TSPAN8: variants seen among roughly 807,000 people sequenced by gnomAD.
TSPAN8 encodes the protein tetraspanin 8.
A neutral mutation model predicts 32.8 loss-of-function variants in TSPAN8; 21 were observed. The ratio of observed to expected loss-of-function variants is 0.64; its 90% CI spans 0.45 to 0.92. TSPAN8 has a LOEUF of 0.92. TSPAN8 is among the 40% of genes least tolerant of loss of function. The pLI, the probability that TSPAN8 is intolerant of heterozygous loss-of-function variation, is 0.00. For missense variants in TSPAN8, 269 were observed against 281.9 expected (o/e 0.95, Z 0.33); for synonymous variants, 95 against 94.6 (o/e 1.00, Z -0.03).
At chr12:71,134,540 A>G (rs958606549) in intron 6 of TSPAN8, among the ~76,000 whole-genome samples, 1 of 152,238 alleles carries the variant, frequency 6.6e-6, no homozygotes. Context: ...TATATGACAA[A>G]GAGCTGGAAA....
At chr12:71,137,426 C>G (rs1592402860) in intron 6 of TSPAN8, among the ~76,000 whole-genome samples, 1 of 152,232 alleles carries the variant, frequency 6.6e-6, no homozygotes, top group Non-Finnish European at 1.5e-5. Flanking sequence ...TGGTGAGACT[C>G]TGTCTCTACT....
intron 7 of TSPAN8, among the ~76,000 whole-genome samples, chr12:71,132,358 T>C (rs935425176): frequency 6.6e-6 from 1 of 152,154 alleles, no homozygotes; most frequent in Non-Finnish European, 1.5e-5. Flanking sequence ...CTAGAACTTA[T>C]GTTAAAGTAG....
intron 2 of TSPAN8, among the ~76,000 whole-genome samples, chr12:71,154,033 G>T (rs1394416434): frequency 1.3e-5 from 2 of 152,100 alleles, no homozygotes; most frequent in Admixed American, 6.6e-5. Context: ...CTCTGGCCAG[G>T]CGCGGTGCCT....
In TSPAN8 at chr12:71,139,708, C is replaced by T. The variant is rs878920636; in HGVS notation, c.261+3G>A. ...GACACTGGGATTTGTTTGGAGAACT[C>T]ACCAACAGAAGCATGCAGCGACTTT... is the stretch of plus-strand genomic sequence containing the variant. On this transcript the variant is annotated splice_donor_region_variant and intron_variant, in intron 4 of 8. Transcript: ENST00000247829. 2 of 1,612,980 alleles carry T rather than the reference C, an allele frequency of 1.2e-6. No individual in the cohort carries two copies. The highest frequency in any genetic ancestry group is 2.2e-5 in the South Asian group (2 of 91,006).
intron 8 of TSPAN8, among the ~76,000 whole-genome samples, chr12:71,128,641 G>T (rs200416267): frequency 2.2e-5 from 3 of 139,188 alleles, no homozygotes; most frequent in Admixed American, 7.2e-5. Flanking sequence ...TATCTTTCAG[G>T]TTTTTTTTTT....
intron 8 of TSPAN8, among the ~76,000 whole-genome samples, chr12:71,126,497 C>T (rs1871353055): frequency 6.6e-6 from 1 of 151,986 alleles, no homozygotes; most frequent in Non-Finnish European, 1.5e-5. Flanking sequence ...GTCAATTTAT[C>T]AGCAGACTAG....
At chr12:71,141,756 T>G (rs974864872) in intron 3 of TSPAN8, among the ~76,000 whole-genome samples, 1 of 152,196 alleles carries the variant, frequency 6.6e-6, no homozygotes, top group African/African-American at 2.4e-5. Context: ...TTCAGATGTT[T>G]GCACCAGGGG....
chr12:71,137,875 T>C (rs1474513457), intron 6 of TSPAN8, 78 bp downstream of exon 6: 2 of 1,323,776 alleles, frequency 1.5e-6, no homozygotes, highest in Non-Finnish European at 2.1e-6. Context: ...TTTCAATCTT[T>C]AAGGAAGATG....
intron 3 of TSPAN8, among the ~76,000 whole-genome samples, chr12:71,140,280 A>G (rs1218227097): frequency 6.6e-6 from 1 of 152,192 alleles, no homozygotes; most frequent in Non-Finnish European, 1.5e-5. Context: ...TTTCAGAGTC[A>G]TTATGCTGAG....
intron 3 of TSPAN8, among the ~76,000 whole-genome samples, 174 bp from the exon 4 acceptor site, chr12:71,140,022 T>C (rs894043489): frequency 6.6e-6 from 1 of 152,332 alleles, no homozygotes; most frequent in Non-Finnish European, 1.5e-5. Context: ...TCACATTCTA[T>C]TGAAGTGCTT....
At chr12:71,132,365 G>A (rs752028439) in intron 7 of TSPAN8, among the ~76,000 whole-genome samples, 3 of 152,100 alleles carry the variant, frequency 2.0e-5, no homozygotes, top group Non-Finnish European at 4.4e-5. Flanking sequence ...TTATGTTAAA[G>A]TAGGAAAAAA....
chr12:71,152,708 C>A lies in TSPAN8; in HGVS notation c.60+4911G>T, dbSNP rs574936711. 2.6e-3 allele frequency among the ~76,000 whole-genome samples: 390 copies of A among 152,270 alleles called. 1 individual carries two copies. Among genetic ancestry groups the A allele is most frequent in the African/African-American group, 8.6e-3 (357 of 41,552 alleles). ...ATGCTAATTACATAGGGTCAGGCAA[C>A]CACTGTATTTACAAAATTCATACAC... On this transcript the variant is annotated intron_variant, in intron 2 of 8. Transcript: ENST00000247829.
At chr12:71,135,999 C>A (rs1014888162) in intron 6 of TSPAN8, among the ~76,000 whole-genome samples, 1 of 152,012 alleles carries the variant, frequency 6.6e-6, no homozygotes, top group South Asian at 2.1e-4. Context: ...GGGACTGACC[C>A]ATATCAGGTT....
intron 4 of TSPAN8, 96 bp downstream of exon 4, chr12:71,139,615 A>G: frequency 1.4e-6 from 2 of 1,452,046 alleles, no homozygotes; most frequent in Non-Finnish European, 9.3e-7. Context: ...TTAGAGTTTC[A>G]TCAATCATGG....
chr12:71,145,969 A>T (rs1023952756), intron 2 of TSPAN8, among the ~76,000 whole-genome samples: 4 of 152,116 alleles, frequency 2.6e-5, no homozygotes, highest in African/African-American at 9.7e-5. Context: ...GATATTTTTT[A>T]AAACTTTTTT....
rs1038342342 is a variant in TSPAN8, at chr12:71,125,165, A to T, written c.*169T>A. 3.8e-6 allele frequency: 2 copies of T among 521,840 alleles called. No individual in the cohort carries two copies. Among genetic ancestry groups the T allele is most frequent in the African/African-American group, 3.8e-5 (2 of 52,076 alleles). 32.3% of individuals were successfully genotyped at this position (521,840 alleles called of 1,614,324 possible). On this transcript the variant is annotated 3_prime_UTR_variant, in exon 9 of 9. Transcript: ENST00000247829. ...TATCATTTTCCCTTATATCCCTCAA[A>T]TCTTAAATGTGTTCAATATGTCTAG...
At chr12:71,138,777 T>C (rs912990179) in intron 4 of TSPAN8, among the ~76,000 whole-genome samples, 6 of 152,170 alleles carry the variant, frequency 3.9e-5, no homozygotes, top group Non-Finnish European at 8.8e-5. Flanking sequence ...GGCCTTATTG[T>C]TCAAAAAGCA....
intron 3 of TSPAN8, among the ~76,000 whole-genome samples, chr12:71,140,940 A>G (rs1871884799): frequency 6.6e-6 from 1 of 152,236 alleles, no homozygotes; most frequent in Non-Finnish European, 1.5e-5. Context: ...TTAACAGTCA[A>G]TACAAAAATG....
rs1872191242 is a variant in TSPAN8, at chr12:71,149,839, G to A, written c.61-5626C>T. Among the ~76,000 whole-genome samples, 4 of 152,302 alleles carry A rather than the reference G, an allele frequency of 2.6e-5. No individual in the cohort carries two copies. The South Asian group carries it at 8.3e-4, about 32-fold the overall frequency. ...CACCTTGCAAAAGAACAAAATAACA[G>A]TGATTTTAGGGAACAAGGGAAGACA... On this transcript the variant is annotated intron_variant, in intron 2 of 8. Coordinates refer to ENST00000247829, the MANE Select transcript of TSPAN8 (RefSeq NM_004616.3).
Sources: allele counts gnomAD v4.1 joint callset (sites outside exome capture counted in the v4.1 genomes callset), GRCh38; gene constraint gnomAD v4.1.1; transcripts MANE v1.5; gene names NCBI Gene and HGNC (gene_info 2026-07-23, HGNC 2026-07-21).